The following CPD variants were observed in gnomAD, a reference collection of about 807,000 sequenced individuals.
CPD encodes carboxypeptidase D, also known as metallocarboxypeptidase D.
In CPD, 69 loss-of-function variants were observed where a neutral mutation model predicts 138.3. The observed-to-expected ratio is 0.50, with a 90% CI of 0.41 to 0.61. The LOEUF (loss-of-function observed/expected upper bound fraction) is 0.61, where lower values mean the gene tolerates loss of function less well. Among genes scored for constraint, CPD ranks in the 20% least tolerant of loss-of-function variants. CPD has a pLI of 0.00. For synonymous variants in CPD, 651 were observed against 642.1 expected (o/e 1.01, Z -0.21); for missense variants, 1,432 against 1,733.3 (o/e 0.83, Z 3.09).
chr17:30,406,702 A>G (rs1329764864), intron 2 of CPD, among the ~76,000 whole-genome samples: 1 of 152,190 alleles, frequency 6.6e-6, no homozygotes, highest in Non-Finnish European at 1.5e-5. Flanking sequence ...TTCTAGCATA[A>G]TGAAAGTGTG....
At chr17:30,389,205 C>T (rs1267899680) in intron 2 of CPD, among the ~76,000 whole-genome samples, 3 of 152,212 alleles carry the variant, frequency 2.0e-5, no homozygotes, top group Admixed American at 2.0e-4. Flanking sequence ...GGCTGTCCGC[C>T]TCCTTCCCGC....
At chr17:30,395,172 T>C (rs569593805) in intron 2 of CPD, among the ~76,000 whole-genome samples, 86 of 151,248 alleles carry the variant, frequency 5.7e-4, no homozygotes, top group African/African-American at 2.0e-3. Flanking sequence ...AACCAGAACA[T>C]ATATATAAAT....
At chr17:30,417,125 A>C (rs1189963087) in intron 2 of CPD, among the ~76,000 whole-genome samples, 2 of 151,912 alleles carry the variant, frequency 1.3e-5, no homozygotes, top group African/African-American at 2.4e-5. Context: ...AATTCTGCAT[A>C]GCACTTCTCA....
chr17:30,390,180 T>G (rs1911313663), intron 2 of CPD, among the ~76,000 whole-genome samples: 1 of 152,072 alleles, frequency 6.6e-6, no homozygotes, highest in African/African-American at 2.4e-5. Flanking sequence ...CCATGCTGGC[T>G]AATTTTTTGT....
chr17:30,423,682 G>C lies in CPD; in HGVS notation c.1834G>C (p.Glu612Gln). Reference protein sequence around the residue: ...LMPSMNPDGYEKSQEGDSISV... With the variant: ...LMPSMNPDGYQKSQEGDSISV... ...GCCATCCATGAATCCTGATGGGTAT[G>C]AAAAGTCCCAGGAAGGTAAAGAATA... Residue 612 changes from glutamate (E) to glutamine (Q), a missense_variant, in exon 6 of 21, where the codon GAA (glutamate) becomes CAA (glutamine). Coordinates refer to ENST00000225719, the MANE Select transcript of CPD (RefSeq NM_001304.5). 1 of 1,584,902 alleles carries C rather than the reference G, an allele frequency of 6.3e-7. No individual in the cohort carries two copies. Among genetic ancestry groups the C allele is most frequent in the Non-Finnish European group, 8.6e-7 (1 of 1,166,938 alleles).
At position 30,427,400 on chromosome 17, in the gene CPD, T is replaced by G; in HGVS notation, c.1859T>G (p.Ile620Arg). Residue 620 changes from isoleucine to arginine, a missense_variant, in exon 7 of 21, where the codon ATA becomes AGA. By Grantham distance (97) the Ile-to-Arg change is moderately conservative (BLOSUM62 -3). Coordinates refer to ENST00000225719, the MANE Select transcript of CPD (RefSeq NM_001304.5). ...GYEKSQEGDSISVIGRNNSNN... is the reference protein window; with the variant it reads ...GYEKSQEGDSRSVIGRNNSNN... ...TTATCATATCATACAGGAGATTCAA[T>G]AAGTGTAATTGGCAGAAACAACAGC... The G allele has an allele frequency of 3.1e-6, 5 of 1,613,976 alleles. No individual in the cohort carries two copies. The highest frequency in any genetic ancestry group is 4.2e-6 in the Non-Finnish European group (5 of 1,179,876).
At chr17:30,450,835 G>T (rs556929626) in intron 13 of CPD, among the ~76,000 whole-genome samples, 1 of 152,176 alleles carries the variant, frequency 6.6e-6, no homozygotes, top group Admixed American at 6.5e-5. Context: ...TTCCAGCCTG[G>T]GTAACAGGCT....
At chr17:30,421,946 C>A in intron 4 of CPD, 113 bp downstream of exon 4, 1 of 841,570 alleles carries the variant, frequency 1.2e-6, no homozygotes, top group Middle Eastern at 3.6e-4. Flanking sequence ...TTTTATTTTT[C>A]CTTATTTTCT....
Position 30,455,388 on chromosome 17 carries a change from A to G in CPD, c.3255A>G (p.Gln1085=), listed in dbSNP as rs760215303. ...ETKAIIENLI[Q]KQDFSLSVAL... ...AAGCCATCATTGAAAATTTGATTCA[A>G]AAACAGGACTTTAGTCTTTCTGTTG... The change falls in exon 15 of 21, where the codon CAA becomes CAG. Residue 1085 remains glutamine, a synonymous_variant. Transcript: ENST00000225719. 1 of 1,613,660 alleles carries G rather than the reference A, an allele frequency of 6.2e-7. No homozygotes were observed. The highest frequency in any genetic ancestry group is 8.5e-7 in the Non-Finnish European group (1 of 1,179,810).
At chr17:30,402,288 G>A (rs1911694747) in intron 2 of CPD, among the ~76,000 whole-genome samples, 1 of 152,132 alleles carries the variant, frequency 6.6e-6, no homozygotes, top group African/African-American at 2.4e-5. Context: ...TTGGAAGGCT[G>A]GGCGTGGTGG....
intron 2 of CPD, among the ~76,000 whole-genome samples, chr17:30,394,926 T>TG: frequency 6.6e-6 from 1 of 151,432 alleles, no homozygotes; most frequent in Non-Finnish European, 1.5e-5. Flanking sequence ...TGTGTGTGTG[T>TG]TCGTTCAGGT....
At chr17:30,451,245 G>C (rs966888080) in intron 13 of CPD, among the ~76,000 whole-genome samples, 10 of 152,174 alleles carry the variant, frequency 6.6e-5, no homozygotes, top group Non-Finnish European at 1.0e-4. Flanking sequence ...TCATGATTAG[G>C]ATCAGAAGGG....
At position 30,469,475 on chromosome 17, in the gene CPD, A is replaced by G. The variant is rs1913729782; in HGVS notation, c.*4661A>G. The G allele has an allele frequency of 6.6e-6, 1 of 152,214 alleles. No homozygotes were observed. The highest frequency in any genetic ancestry group is 1.5e-5 in the Non-Finnish European group (1 of 68,030). 9.4% of individuals were successfully genotyped at this position (152,214 alleles called of 1,614,324 possible). On this transcript the variant is annotated 3_prime_UTR_variant, in exon 21 of 21. Transcript: ENST00000225719. ...ATGAAATAATGTTAGCAAAGGTCCC[A>G]ACATAATATTTGACTTGGAATTGAA...
chr17:30,458,678 C>T (rs1356371469), intron 17 of CPD, among the ~76,000 whole-genome samples: 1 of 151,968 alleles, frequency 6.6e-6, no homozygotes, highest in Non-Finnish European at 1.5e-5. Flanking sequence ...ACCAGCCTGG[C>T]CAACATGTTG....
At chr17:30,389,516 G>GA (rs1911289976) in intron 2 of CPD, among the ~76,000 whole-genome samples, 1 of 152,162 alleles carries the variant, frequency 6.6e-6, no homozygotes, top group African/African-American at 2.4e-5. Flanking sequence ...AATTTGAGAT[G>GA]ATGTTACTTA....
chr17:30,462,230 G>A, intron 19 of CPD, 140 bp from the exon 20 acceptor site: 1 of 1,071,014 alleles, frequency 9.3e-7, no homozygotes, highest in Admixed American at 2.8e-5. Context: ...CTAACAAAAG[G>A]GAAAATTTTC....
intron 2 of CPD, among the ~76,000 whole-genome samples, chr17:30,402,009 T>C (rs1854568946): frequency 6.6e-6 from 1 of 151,490 alleles, no homozygotes; most frequent in Non-Finnish European, 1.5e-5. Flanking sequence ...ATAACAATAG[T>C]AGGCCTTTTG....
intron 2 of CPD, among the ~76,000 whole-genome samples, chr17:30,414,709 G>A (rs577770625): frequency 1.3e-5 from 2 of 152,256 alleles, no homozygotes; most frequent in Admixed American, 1.3e-4. Context: ...AGTTAGAGTC[G>A]GCATGGTTTT....
rs1230133639 is a variant in CPD, at chr17:30,379,291, G to T, written c.311G>T (p.Gly104Val). 6.6e-7 allele frequency: 1 copy of T among 1,509,226 alleles called. No homozygotes were observed. Among genetic ancestry groups the T allele is most frequent in the Admixed American group, 2.1e-5 (1 of 48,584 alleles). The allele number at this position is 1,509,226 out of a possible 1,614,324, so 93.5% of individuals were successfully genotyped here. A position where few individuals can be genotyped will look rare whatever the true frequency, so the allele number is the denominator to read the frequency against. Residue 104 changes from glycine (G) to valine (V), a missense_variant, in exon 1 of 21, where the codon GGG becomes GTG. Transcript: ENST00000225719. The surrounding 1 kb of genome is among the most constrained non-coding windows in gnomAD (Gnocchi z 7.0). ...LWVLRLTAGLGSLIPEGDAGP... is the reference protein window; with the variant it reads ...LWVLRLTAGLVSLIPEGDAGP... The stretch of plus-strand genomic sequence containing the variant: ...GTGCTTCGCCTCACCGCCGGCCTGG[G>T]GTCGCTAATCCCTGAGGGCGACGCG...
Sources: allele counts gnomAD v4.1 joint callset (sites outside exome capture counted in the v4.1 genomes callset), GRCh38; gene constraint gnomAD v4.1.1; non-coding constraint Gnocchi (gnomAD v3.1); transcripts MANE v1.5; gene names NCBI Gene and HGNC (gene_info 2026-07-23, HGNC 2026-07-21).